The following GRIN2B variants were observed in gnomAD, a reference collection of about 807,000 sequenced individuals.
GRIN2B encodes glutamate ionotropic receptor NMDA type subunit 2B, also known as glutamate receptor ionotropic, NMDA 2B.
GRIN2B carries 5 observed loss-of-function variants against 114.5 expected under a neutral mutation model. The observed-to-expected ratio is 0.04, with a 90% CI of 0.02 to 0.09. The LOEUF (loss-of-function observed/expected upper bound fraction) is 0.09. Ranked by LOEUF, GRIN2B falls within the 10% of genes least tolerant of loss-of-function variation. The pLI is 1.00. For synonymous variants in GRIN2B, 787 were observed against 745.1 expected (o/e 1.06, Z -0.92); for missense variants, 1,108 against 1,943.5 (o/e 0.57, Z 8.08).
At position 13,545,137 on chromosome 12, in the gene GRIN2B, C is replaced by G. The variant is rs896817155; in HGVS notation, c.*17646G>C. The G allele has an allele frequency of 6.6e-6, 1 of 152,242 alleles. No individual in the cohort carries two copies. The highest frequency in any genetic ancestry group is 2.4e-5 in the African/African-American group (1 of 41,448). 9.4% of individuals were successfully genotyped at this position (152,242 alleles called of 1,614,324 possible). ...CCAAGCATTTGGTTTGACAGCAGGG[C>G]CTTTGCAATTGCTTTCTCTTTGCCT... On this transcript the variant is annotated 3_prime_UTR_variant, in exon 14 of 14. Coordinates refer to ENST00000609686, the MANE Select transcript of GRIN2B (RefSeq NM_000834.5).
intron 2 of GRIN2B, among the ~76,000 whole-genome samples, chr12:13,870,636 A>T (rs1380836911): frequency 6.6e-6 from 1 of 152,090 alleles, no homozygotes; most frequent in Non-Finnish European, 1.5e-5. Flanking sequence ...ATCAATAATT[A>T]AGTCAAAAAT....
chr12:13,574,866 T>A (rs1006843608), intron 10 of GRIN2B, among the ~76,000 whole-genome samples: 3 of 151,986 alleles, frequency 2.0e-5, no homozygotes, highest in Admixed American at 6.6e-5. Context: ...ATCACGAGAG[T>A]GTGGCATTAG....
At chr12:13,957,173 T>C (rs1372510371) in intron 2 of GRIN2B, among the ~76,000 whole-genome samples, 1 of 152,222 alleles carries the variant, frequency 6.6e-6, no homozygotes, top group African/African-American at 2.4e-5. Context: ...GGATCTGTCA[T>C]TTTCTGTTGC....
chr12:13,715,106 C>T (rs903681972), intron 4 of GRIN2B, among the ~76,000 whole-genome samples: 5 of 151,716 alleles, frequency 3.3e-5, no homozygotes, highest in Admixed American at 6.6e-5. Context: ...ATAGTTATGA[C>T]GATGATGTAT....
Position 13,564,763 on chromosome 12 carries a change from C to A in GRIN2B, c.2599-124G>T. The A allele has an allele frequency of 1.1e-6, 1 of 890,002 alleles. No homozygotes were observed. Among genetic ancestry groups the A allele is most frequent in the Non-Finnish European group, 1.9e-6 (1 of 539,096 alleles). The allele number at this position is 890,002 out of a possible 1,614,324, so 55.1% of individuals were successfully genotyped here. A position where few individuals can be genotyped will look rare whatever the true frequency, so the allele number is the denominator to read the frequency against. On this transcript the variant is annotated intron_variant, in intron 13 of 13. Transcript: ENST00000609686. The surrounding 1 kb of genome is among the most constrained non-coding windows in gnomAD (Gnocchi z 4.8). ...AAAGGGAAAGCATGAAGCGAATAGT[C>A]TAATATACTATTAGATGTGGCTAGA...
chr12:13,661,893 T>C (rs1949927188), intron 5 of GRIN2B, among the ~76,000 whole-genome samples: 1 of 152,178 alleles, frequency 6.6e-6, no homozygotes, highest in African/African-American at 2.4e-5. Context: ...GTATAGAACA[T>C]GTCGATGGCC....
intron 4 of GRIN2B, among the ~76,000 whole-genome samples, chr12:13,736,920 C>T (rs1255320790): frequency 6.7e-6 from 1 of 149,852 alleles, no homozygotes; most frequent in Non-Finnish European, 1.5e-5. Flanking sequence ...ATCCCAGCTA[C>T]TTGGGAGGCT....
intron 3 of GRIN2B, among the ~76,000 whole-genome samples, chr12:13,807,811 A>G (rs915135737): frequency 6.8e-6 from 1 of 146,718 alleles, no homozygotes; most frequent in African/African-American, 2.5e-5. Context: ...AAGGACTGTC[A>G]GTCTGCTTCT....
intron 5 of GRIN2B, among the ~76,000 whole-genome samples, chr12:13,627,419 A>T (rs1949578884): frequency 6.6e-6 from 1 of 152,218 alleles, no homozygotes; most frequent in African/African-American, 2.4e-5. Context: ...TCTGATGAAA[A>T]TTAAATAAAA....
intron 4 of GRIN2B, among the ~76,000 whole-genome samples, chr12:13,720,493 T>C (rs1179739726): frequency 6.6e-6 from 1 of 152,112 alleles, no homozygotes; most frequent in Non-Finnish European, 1.5e-5. Context: ...TGCATTAAGC[T>C]AAGTTTCAAA....
At chr12:13,978,271 T>A (rs965292495) in intron 2 of GRIN2B, among the ~76,000 whole-genome samples, 3 of 152,182 alleles carry the variant, frequency 2.0e-5, no homozygotes, top group Non-Finnish European at 4.4e-5. Flanking sequence ...TGGAAGCAGA[T>A]GGAGAATGAG....
rs1247177487 is a variant in GRIN2B, at chr12:13,563,729, C to T, written c.3509G>A (p.Gly1170Glu). The change falls in exon 14 of 14, where the codon GGA becomes GAA. Residue 1170 changes from glycine to glutamate, a missense_variant. Physicochemically the swap from Gly to Glu is moderately conservative, Grantham distance 98 (BLOSUM62 -2). Around this residue, in one of 19 missense-constraint regions of GRIN2B, gnomAD observed 478 missense variants for 506.0 expected, o/e 0.94. Transcript: ENST00000609686. ...GTGAGACCTGTTGGTACAGGGCCCT[C>T]CTCCGCTGACGGAGTCGCGCTTAAA... ...DDFKRDSVSG[G>E]GPCTNRSHIK... 1.9e-6 allele frequency: 3 copies of T among 1,613,816 alleles called. No individual in the cohort carries two copies. The highest frequency in any genetic ancestry group is 1.7e-6 in the Non-Finnish European group (2 of 1,179,986).
At chr12:13,659,225 G>A (rs958060110) in intron 5 of GRIN2B, among the ~76,000 whole-genome samples, 3 of 152,122 alleles carry the variant, frequency 2.0e-5, no homozygotes, top group Admixed American at 1.3e-4. Context: ...CACTAATTTT[G>A]TTCCTTGTTT....
intron 10 of GRIN2B, among the ~76,000 whole-genome samples, chr12:13,572,758 A>C (rs992111960): frequency 2.0e-5 from 3 of 152,200 alleles, no homozygotes; most frequent in Admixed American, 6.5e-5. Context: ...CATATAGTCC[A>C]TCTCCTCAGT....
intron 2 of GRIN2B, among the ~76,000 whole-genome samples, chr12:13,973,436 A>T (rs1445393160): frequency 6.6e-6 from 1 of 152,144 alleles, no homozygotes; most frequent in Non-Finnish European, 1.5e-5. Flanking sequence ...AATTGTCTTA[A>T]TCTAGGAAGC....
rs147023469 is a variant in GRIN2B at position 13,656,949 on chromosome 12, A to G, written c.1125+18796T>C. 4.0e-3 allele frequency among the ~76,000 whole-genome samples: 616 copies of G among 152,308 alleles called. 4 individuals are homozygous for G. The highest frequency in any genetic ancestry group is 0.02 in the Middle Eastern group (6 of 294). ...CCACTAGATGGATGGCAAAGCCAAG[A>G]CATGATAATCCAAGGGGAAGGGACT... On this transcript the variant is annotated intron_variant, in intron 5 of 13. Coordinates refer to ENST00000609686, the MANE Select transcript of GRIN2B (RefSeq NM_000834.5).
At chr12:13,648,213 A>G (rs538805953) in intron 5 of GRIN2B, among the ~76,000 whole-genome samples, 1 of 152,218 alleles carries the variant, frequency 6.6e-6, no homozygotes, top group East Asian at 1.9e-4. Flanking sequence ...GAATTTCTAA[A>G]GCACAGTTTC....
At chr12:13,653,351 G>A (rs1949835430) in intron 5 of GRIN2B, among the ~76,000 whole-genome samples, 1 of 152,062 alleles carries the variant, frequency 6.6e-6, no homozygotes, top group Non-Finnish European at 1.5e-5. Flanking sequence ...AAGGGGGTTG[G>A]TCATCTAAGT....
intron 3 of GRIN2B, among the ~76,000 whole-genome samples, chr12:13,781,419 A>G (rs555764085): frequency 3.9e-5 from 6 of 152,370 alleles, no homozygotes; most frequent in African/African-American, 1.4e-4. Context: ...CTACTTTAAT[A>G]AAAAGATAGC....
Sources: gnomAD v4.1 joint callset for allele counts (sites outside exome capture counted in the v4.1 genomes callset) on GRCh38, gnomAD v4.1.1 for gene constraint, gnomAD v4.1.1 regional missense constraint, Gnocchi (gnomAD v3.1) non-coding constraint, MANE v1.5 for transcripts, NCBI Gene and HGNC (gene_info 2026-07-23, HGNC 2026-07-21) for gene names.